TRAK1: variants seen among roughly 807,000 people sequenced by gnomAD.
The protein encoded by TRAK1 is trafficking kinesin-binding protein 1.
A neutral mutation model predicts 92.1 loss-of-function variants in TRAK1; 33 were observed. The ratio of observed to expected loss-of-function variants is 0.36; its 90% CI spans 0.27 to 0.48. TRAK1 has a LOEUF of 0.48. TRAK1 is among the 20% of genes least tolerant of loss of function. The pLI is 0.99. For synonymous variants in TRAK1, 521 were observed against 517.3 expected (o/e 1.01, Z -0.10); for missense variants, 1,123 against 1,257.9 (o/e 0.89, Z 1.62).
chr3:42,191,723 C>G, intron 7 of TRAK1, 87 bp downstream of exon 7: 1 of 1,415,212 alleles, frequency 7.1e-7, no homozygotes. Flanking sequence ...AAAGTGCAGT[C>G]TCCTGCCAGC....
intron 10 of TRAK1, 64 bp downstream of exon 10, chr3:42,195,005 T>G: frequency 6.3e-7 from 1 of 1,582,924 alleles, no homozygotes; most frequent in Non-Finnish European, 8.6e-7. Flanking sequence ...GCACAGTGTC[T>G]GACATTCTGG....
Position 42,118,882 on chromosome 3 carries a change from G to A in TRAK1, c.92-6538G>A, listed in dbSNP as rs149526467. ...TGAGGGGACATTTACCATCCCATGGGACTTTCCTCTATGCTGGATAAAGAC... is the reference window on the plus strand; with the variant it reads ...TGAGGGGACATTTACCATCCCATGGAACTTTCCTCTATGCTGGATAAAGAC... On this transcript the variant is annotated intron_variant, in intron 1 of 15. Coordinates refer to ENST00000327628, the MANE Select transcript of TRAK1 (RefSeq NM_001042646.3). 2.7e-4 allele frequency among the ~76,000 whole-genome samples: 41 copies of A among 152,322 alleles called. No individual in the cohort carries two copies. In the East Asian group the frequency reaches 7.5e-3, roughly 28 times the overall value.
chr3:42,147,334 G>T (rs1699442485), intron 2 of TRAK1, among the ~76,000 whole-genome samples: 1 of 152,206 alleles, frequency 6.6e-6, no homozygotes. Flanking sequence ...TGACCAGAAA[G>T]AATGTGCAGT....
At chr3:42,146,865 CTTTATTAAATCAT>C (rs975736938) in intron 2 of TRAK1, among the ~76,000 whole-genome samples, 7 of 152,198 alleles carry the variant, frequency 4.6e-5, no homozygotes, top group African/African-American at 1.7e-4. Context: ...CCTCTGGTTC[CTTTATTAAATCAT>C]TTTGCAAATT....
At chr3:42,188,502 T>C (rs2149411106) in intron 5 of TRAK1, among the ~76,000 whole-genome samples, 1 of 152,296 alleles carries the variant, frequency 6.6e-6, no homozygotes, top group African/African-American at 2.4e-5. Context: ...AGGCGTGGTG[T>C]CTTCTCTGAG....
At position 42,075,163 on chromosome 3, in the gene TRAK1, T is replaced by A. The variant is rs570188323; in HGVS notation, c.-518-11941T>A. Reference sequence around the variant, plus strand: ...ATTGTTTATTATTATTTTAAAAATTTAAAAAAAATTTTAATTAAAGGATGA... The same window carrying A: ...ATTGTTTATTATTATTTTAAAAATTAAAAAAAAATTTTAATTAAAGGATGA... On this transcript the variant is annotated intron_variant, in intron 1 of 16. Coordinates refer to the TRAK1 transcript ENST00000487159. Among the ~76,000 whole-genome samples the A allele has an allele frequency of 2.0e-3, 302 of 151,866 alleles. 1 individual carries two copies. The highest frequency in any genetic ancestry group is 3.1e-3 in the African/African-American group (130 of 41,444).
At chr3:42,064,715 A>G (rs531454043) in intron 1 of TRAK1, among the ~76,000 whole-genome samples, 1 of 152,300 alleles carries the variant, frequency 6.6e-6, no homozygotes, top group Admixed American at 6.5e-5. Flanking sequence ...TAATTTTACC[A>G]TAGAATAGTA....
intron 2 of TRAK1, among the ~76,000 whole-genome samples, chr3:42,169,151 T>C (rs1342111889): frequency 6.6e-6 from 1 of 151,598 alleles, no homozygotes; most frequent in Non-Finnish European, 1.5e-5. Context: ...TCTTTCTTTT[T>C]TTTTTTAAGT....
chr3:42,017,356 T>A (rs1195441739), intron 1 of TRAK1, among the ~76,000 whole-genome samples: 3 of 151,996 alleles, frequency 2.0e-5, no homozygotes, highest in Admixed American at 2.0e-4. Flanking sequence ...GACAAGAGGA[T>A]GTTCTTTTTA....
intron 1 of TRAK1, among the ~76,000 whole-genome samples, chr3:42,059,966 C>G (rs2148924114): frequency 1.3e-5 from 2 of 152,328 alleles, no homozygotes; most frequent in African/African-American, 4.8e-5. Context: ...AGGTACATAG[C>G]AATTCTGAAA....
rs68023368 is a variant in TRAK1 at position 42,191,895 on chromosome 3, A to AT, written c.769+282dup. On this transcript the variant is annotated intron_variant, in intron 7 of 15. Transcript: ENST00000327628. ...TTTGGCTTTATACTGGAATATTGGA[A>AT]TTTTTTTTTTTTTTTTTTTTTTTGA... Among the ~76,000 whole-genome samples the AT allele has an allele frequency of 6.6e-3, 478 of 72,730 alleles. 29 individuals carry two copies. Among genetic ancestry groups the AT allele is most frequent in the Middle Eastern group, 0.015 (1 of 66 alleles). The allele number at this position is 72,730 out of a possible 152,430, so 47.7% of individuals were successfully genotyped here.
intron 1 of TRAK1, among the ~76,000 whole-genome samples, chr3:42,040,560 A>G (rs919433804): frequency 1.3e-5 from 2 of 152,096 alleles, no homozygotes; most frequent in Non-Finnish European, 1.5e-5. Context: ...TTCTTTCCAT[A>G]TTGAGTTGCC....
At chr3:42,039,030 A>G (rs1702436009) in intron 1 of TRAK1, among the ~76,000 whole-genome samples, 1 of 152,000 alleles carries the variant, frequency 6.6e-6, no homozygotes, top group Admixed American at 6.6e-5. Flanking sequence ...ATTTTAGAAC[A>G]TTTTATCCCA....
chr3:42,125,303 T>G lies in TRAK1; in HGVS notation c.92-117T>G. On this transcript the variant is annotated intron_variant, in intron 1 of 15. Transcript: ENST00000327628. The stretch of plus-strand genomic sequence containing the variant: ...GACTCCTGATATAGCCTTGTCTAGC[T>G]TCTTTGTGCTGTAGATAAATAACCG... The G allele has an allele frequency of 9.2e-6, 8 of 869,892 alleles. No individual in the cohort carries two copies. In the South Asian group the frequency reaches 1.5e-4, roughly 17 times the overall value. The allele number at this position is 869,892 out of a possible 1,614,324, so 53.9% of individuals were successfully genotyped here.
chr3:42,194,995 G>C, intron 10 of TRAK1, 54 bp downstream of exon 10: 1 of 1,597,790 alleles, frequency 6.3e-7, no homozygotes, highest in South Asian at 1.1e-5. Flanking sequence ...GGTGACAGGA[G>C]CACAGTGTCT....
chr3:42,186,664 G>A (rs1379707965), intron 4 of TRAK1, among the ~76,000 whole-genome samples: 10 of 152,304 alleles, frequency 6.6e-5, no homozygotes, highest in East Asian at 5.8e-4. Flanking sequence ...ATGGTCACCC[G>A]TCAGCTTCTT....
chr3:42,160,511 T>A, intron 2 of TRAK1: 2 of 1,602,598 alleles, frequency 1.2e-6, no homozygotes, highest in Non-Finnish European at 8.5e-7. Context: ...ATCCTTTCCT[T>A]GTTAGTATCT....
At chr3:42,077,945 C>T (rs1483403946) in intron 1 of TRAK1, among the ~76,000 whole-genome samples, 2 of 152,172 alleles carry the variant, frequency 1.3e-5, no homozygotes, top group Admixed American at 1.3e-4. Flanking sequence ...CCATCCCAGG[C>T]CTGGCAGCCA....
At chr3:42,217,900 G>C in intron 14 of TRAK1, 1 of 985,186 alleles carries the variant, frequency 1.0e-6, no homozygotes, top group African/African-American at 1.7e-5. Flanking sequence ...TGGAGTTCCT[G>C]AGCCATTATG....
Sources: gnomAD v4.1 joint callset for allele counts (sites outside exome capture counted in the v4.1 genomes callset) on GRCh38, gnomAD v4.1.1 for gene constraint, MANE v1.5 for transcripts, NCBI Gene and HGNC (gene_info 2026-07-23, HGNC 2026-07-21) for gene names.